DMXL2: variants seen among roughly 807,000 people sequenced by gnomAD.
DMXL2 encodes Dmx like 2.
Under a neutral mutation model 331.1 loss-of-function variants are expected in DMXL2, and 103 were observed. The ratio of observed to expected loss-of-function variants is 0.31; its 90% CI spans 0.27 to 0.37. The LOEUF is 0.37. Among genes scored for constraint, DMXL2 ranks in the 10% least tolerant of loss-of-function variants. DMXL2 has a pLI of 1.00. For synonymous variants in DMXL2, 1,281 were observed against 1,252.1 expected, an observed-to-expected ratio of 1.02 and a Z score of -0.49; for missense variants, 3,171 against 3,642.9, an observed-to-expected ratio of 0.87 and a Z score of 3.33.
intron 6 of DMXL2, among the ~76,000 whole-genome samples, chr15:51,559,209 T>G (rs965656044): frequency 6.6e-6 from 1 of 152,168 alleles, no homozygotes; most frequent in Non-Finnish European, 1.5e-5. Flanking sequence ...GAGCAACTAA[T>G]GGAGTGGGAG....
At chr15:51,515,009 A>G (rs914428182) in intron 14 of DMXL2, among the ~76,000 whole-genome samples, 1 of 152,140 alleles carries the variant, frequency 6.6e-6, no homozygotes, top group African/African-American at 2.4e-5. Flanking sequence ...AGAACCAAAA[A>G]ACAAAACAAA....
At chr15:51,549,745 A>G (rs2049095865) in intron 6 of DMXL2, among the ~76,000 whole-genome samples, 1 of 152,068 alleles carries the variant, frequency 6.6e-6, no homozygotes, top group Non-Finnish European at 1.5e-5. Flanking sequence ...CTTGTCAGCC[A>G]TTTGTATATC....
chr15:51,554,050 C>T (rs1287703682), intron 6 of DMXL2, among the ~76,000 whole-genome samples: 1 of 152,062 alleles, frequency 6.6e-6, no homozygotes, highest in Non-Finnish European at 1.5e-5. Context: ...GTGCCATTAA[C>T]GATATTTAAA....
At chr15:51,572,283 G>A (rs996889185) in intron 2 of DMXL2, among the ~76,000 whole-genome samples, 1 of 130,990 alleles carries the variant, frequency 7.6e-6, no homozygotes, top group Non-Finnish European at 1.7e-5. Context: ...TGAAATTGAG[G>A]CAATAATTAA....
Position 51,499,454 on chromosome 15 carries a change from T to G in DMXL2, c.3770A>C (p.Asp1257Ala), listed in dbSNP as rs765833396. ...ATCCATTCCTACCACCAATATCCCA[T>G]CTCTTACCCAAGAGAGAGAAACAGG... The part of the protein sequence containing the change: ...SLPVSLSWVR[D>A]GILVVGMDCE... Residue 1257 changes from aspartate to alanine, a missense_variant, in exon 18 of 44, where the codon GAT becomes GCT. Transcript: ENST00000560891. 2 of 1,613,848 alleles carry G rather than the reference T, an allele frequency of 1.2e-6. No homozygotes were observed. Among genetic ancestry groups the G allele is most frequent in the Non-Finnish European group, 1.7e-6 (2 of 1,180,016 alleles).
rs1389280885 is a variant in DMXL2 at position 51,587,762 on chromosome 15, T to C, written c.88-11581A>G. On this transcript the variant is annotated intron_variant, in intron 1 of 43. Coordinates refer to ENST00000560891, the MANE Select transcript of DMXL2 (RefSeq NM_001378457.1). Reference sequence around the variant, plus strand: ...TCGCCACACTGACTTCCACAATGGTTGAACCAGTTTACAGTCCCACCAGCA... The same window carrying C: ...TCGCCACACTGACTTCCACAATGGTCGAACCAGTTTACAGTCCCACCAGCA... 2.0e-5 allele frequency among the ~76,000 whole-genome samples: 3 copies of C among 152,212 alleles called. No individual in the cohort carries two copies. In the East Asian group the frequency reaches 5.8e-4, roughly 29 times the overall value.
chr15:51,559,446 G>T (rs1340672886), intron 6 of DMXL2, among the ~76,000 whole-genome samples: 2 of 152,200 alleles, frequency 1.3e-5, no homozygotes, highest in Non-Finnish European at 2.9e-5. Flanking sequence ...CAGGCACAGT[G>T]GCTCACGCCT....
rs2041992899 is a variant in DMXL2 at position 51,481,302 on chromosome 15, G to A, written c.5804C>T (p.Pro1935Leu). 5 of 1,614,086 alleles carry A rather than the reference G, an allele frequency of 3.1e-6. No individual in the cohort carries two copies. In the South Asian group the frequency reaches 5.5e-5, roughly 18 times the overall value. The change falls in exon 24 of 44, where the codon CCT (proline) becomes CTT (leucine). Residue 1935 changes from proline (P) to leucine (L), a missense_variant. Pro to Leu is a moderately conservative substitution (Grantham distance 98). Coordinates refer to ENST00000560891, the MANE Select transcript of DMXL2 (RefSeq NM_001378457.1). ...DFISHRMDDVPSHSKALSDGN... is the reference protein window; with the variant it reads ...DFISHRMDDVLSHSKALSDGN... Reference sequence around the variant, plus strand: ...ATCACTCAGAGCTTTTGAATGTGAAGGTACATCATCCATCCTGTGAGAAAT... The same window carrying A: ...ATCACTCAGAGCTTTTGAATGTGAAAGTACATCATCCATCCTGTGAGAAAT...
intron 28 of DMXL2, among the ~76,000 whole-genome samples, chr15:51,472,989 A>G (rs2041260249): frequency 9.6e-6 from 1 of 104,240 alleles, no homozygotes; most frequent in African/African-American, 4.1e-5. Flanking sequence ...CTCATCTCCT[A>G]CAACACTCCC....
intron 1 of DMXL2, among the ~76,000 whole-genome samples, chr15:51,617,727 A>G (rs1595778305): frequency 6.6e-6 from 1 of 152,226 alleles, no homozygotes; most frequent in East Asian, 1.9e-4. Context: ...AACTTCTTTT[A>G]CAGATCAAAG....
intron 41 of DMXL2, among the ~76,000 whole-genome samples, chr15:51,452,892 C>T (rs982923811): frequency 1.8e-4 from 28 of 152,274 alleles, no homozygotes; most frequent in Non-Finnish European, 3.1e-4. Context: ...TACATATACA[C>T]CATGGAATAC....
At chr15:51,532,192 T>C (rs571414648) in intron 13 of DMXL2, among the ~76,000 whole-genome samples, 15 of 151,900 alleles carry the variant, frequency 9.9e-5, no homozygotes, top group African/African-American at 3.1e-4. Context: ...GAGTACTACT[T>C]GGCCAAAAAA....
chr15:51,534,783 G>T (rs934420761), intron 13 of DMXL2, among the ~76,000 whole-genome samples: 2 of 152,118 alleles, frequency 1.3e-5, no homozygotes, highest in African/African-American at 2.4e-5. Context: ...CAAAGACAAA[G>T]AATTTATCTT....
rs369987154 is a variant in DMXL2, at chr15:51,519,871, GA to G, written c.2437-2705del. The stretch of plus-strand genomic sequence containing the variant: ...TTGGCCAGGCTGGTCTTGAACTCCT[GA>G]CCTCACGTGATCCACCTGCCTCGGC... On this transcript the variant is annotated intron_variant, in intron 13 of 43. Coordinates refer to ENST00000560891, the MANE Select transcript of DMXL2 (RefSeq NM_001378457.1). Among the ~76,000 whole-genome samples, 144 of 152,070 alleles carry G rather than the reference GA, an allele frequency of 9.5e-4. No homozygotes were observed. The East Asian group carries it at 0.022, about 23-fold the overall frequency.
intron 1 of DMXL2, among the ~76,000 whole-genome samples, chr15:51,593,560 C>G (rs1449011127): frequency 6.6e-6 from 1 of 152,178 alleles, no homozygotes. Flanking sequence ...CTGCACCAAG[C>G]AGACCTAATA....
intron 33 of DMXL2, among the ~76,000 whole-genome samples, chr15:51,461,717 A>G (rs960219834): frequency 2.0e-5 from 3 of 152,056 alleles, no homozygotes; most frequent in African/African-American, 7.2e-5. Context: ...CACCTGGATA[A>G]TTGTTTTGTA....
At chr15:51,526,963 G>T (rs1469999859) in intron 13 of DMXL2, among the ~76,000 whole-genome samples, 1 of 152,118 alleles carries the variant, frequency 6.6e-6, no homozygotes, top group Non-Finnish European at 1.5e-5. Context: ...AGGTAGGGGT[G>T]GAAAGTTTAT....
chr15:51,550,417 G>C (rs923435552), intron 6 of DMXL2, among the ~76,000 whole-genome samples: 16 of 152,034 alleles, frequency 1.1e-4, no homozygotes, highest in African/African-American at 3.9e-4. Flanking sequence ...AGTATGAAGT[G>C]ATGTTATAAT....
At chr15:51,608,160 G>A (rs557838651) in intron 1 of DMXL2, among the ~76,000 whole-genome samples, 1 of 151,360 alleles carries the variant, frequency 6.6e-6, no homozygotes, top group South Asian at 2.1e-4. Flanking sequence ...ACTCCAGCCT[G>A]GGCAACAGAG....
Sources: allele counts gnomAD v4.1 joint callset (sites outside exome capture counted in the v4.1 genomes callset), GRCh38; gene constraint gnomAD v4.1.1; transcripts MANE v1.5; gene names NCBI Gene and HGNC (gene_info 2026-07-23, HGNC 2026-07-21).